Variants in SLC39A11 observed in about 807,000 individuals in gnomAD.
SLC39A11 encodes solute carrier family 39 member 11.
SLC39A11 carries 33 observed loss-of-function variants against 36.1 expected under a neutral mutation model. That is an observed-to-expected ratio of 0.91 (90% CI 0.69 to 1.22). SLC39A11 has a LOEUF of 1.22. Among genes scored for constraint, SLC39A11 ranks in the 50% most tolerant of loss-of-function variants. The pLI, the probability that SLC39A11 is intolerant of heterozygous loss-of-function variation, is 0.00. For missense variants in SLC39A11, 432 were observed against 430.3 expected, an observed-to-expected ratio of 1.00 and a Z score of -0.03; for synonymous variants, 166 against 170.3, an observed-to-expected ratio of 0.97 and a Z score of 0.20.
At chr17:72,750,061 C>T (rs1361056450) in intron 6 of SLC39A11, among the ~76,000 whole-genome samples, 1 of 152,132 alleles carries the variant, frequency 6.6e-6, no homozygotes, top group Non-Finnish European at 1.5e-5. Context: ...ATTCCTGGGG[C>T]AAGGCACAAG....
chr17:72,777,587 C>A (rs1284859657), intron 6 of SLC39A11, among the ~76,000 whole-genome samples: 1 of 152,066 alleles, frequency 6.6e-6, no homozygotes, highest in Non-Finnish European at 1.5e-5. Flanking sequence ...CATCTACAAG[C>A]TAAGTTACAC....
chr17:72,990,520 C>A (rs1052708503), intron 4 of SLC39A11, among the ~76,000 whole-genome samples: 20 of 152,118 alleles, frequency 1.3e-4, no homozygotes, highest in Non-Finnish European at 2.4e-4. Context: ...CAGGTTCAAG[C>A]GATTCTCCTG....
chr17:72,900,135 AAAGAAAAAGAAAGAAAGAAAAG>A (rs2146909123), intron 5 of SLC39A11, among the ~76,000 whole-genome samples: 1 of 93,794 alleles, frequency 1.1e-5, no homozygotes, highest in African/African-American at 7.9e-5. Context: ...AGAAAGAAAG[AAAGAAAAAGAAAGAAAGAAAAG>A]AAAGAAAGAA....
intron 6 of SLC39A11, among the ~76,000 whole-genome samples, chr17:72,763,240 C>CAT (rs1254403076): frequency 6.6e-6 from 1 of 152,138 alleles, no homozygotes; most frequent in East Asian, 1.9e-4. Context: ...AATTGAGCTC[C>CAT]ATGGAACATC....
intron 3 of SLC39A11, among the ~76,000 whole-genome samples, chr17:73,043,794 A>G (rs1382537682): frequency 6.6e-6 from 1 of 152,192 alleles, no homozygotes; most frequent in African/African-American, 2.4e-5. Flanking sequence ...CAAGTCAGTC[A>G]ATCAGAAACC....
intron 6 of SLC39A11, among the ~76,000 whole-genome samples, chr17:72,843,253 G>A (rs2078899862): frequency 6.6e-6 from 1 of 152,138 alleles, no homozygotes; most frequent in Non-Finnish European, 1.5e-5. Context: ...CCGGCCTGGG[G>A]AGGGGTTCTT....
At chr17:73,024,316 C>T (rs1394358944) in intron 4 of SLC39A11, among the ~76,000 whole-genome samples, 1 of 152,186 alleles carries the variant, frequency 6.6e-6, no homozygotes, top group Non-Finnish European at 1.5e-5. Context: ...CCATCTGGAG[C>T]CTCAACAGAG....
At chr17:72,886,199 C>T (rs187715485) in intron 5 of SLC39A11, among the ~76,000 whole-genome samples, 186 of 152,288 alleles carry the variant, frequency 1.2e-3, no homozygotes, top group African/African-American at 4.4e-3. Context: ...GCTCTCCTGC[C>T]TACACAGGCT....
At position 72,886,471 on chromosome 17, in the gene SLC39A11, C is replaced by T. The variant is rs1307009187; in HGVS notation, c.431-36667G>A. On this transcript the variant is annotated intron_variant, in intron 5 of 9. Coordinates refer to ENST00000255559, the MANE Select transcript of SLC39A11 (RefSeq NM_139177.4). ...TTTCTCCTTCTCTCAGAGTCCTTAC[C>T]TATCCGCAAATCCCATCAGCTCAAC... Among the ~76,000 whole-genome samples the T allele has an allele frequency of 5.9e-5, 9 of 152,264 alleles. No homozygotes were observed. The South Asian group carries it at 1.9e-3, about 32-fold the overall frequency.
chr17:72,678,833 C>T (rs759642165), intron 7 of SLC39A11, among the ~76,000 whole-genome samples: 1 of 152,134 alleles, frequency 6.6e-6, no homozygotes, highest in Non-Finnish European at 1.5e-5. Context: ...AAGAATAGTG[C>T]TTGAGGCTGT....
At chr17:72,873,247 A>T (rs1213618748) in intron 5 of SLC39A11, among the ~76,000 whole-genome samples, 1 of 152,188 alleles carries the variant, frequency 6.6e-6, no homozygotes, top group East Asian at 1.9e-4. Flanking sequence ...TGGGAAACCT[A>T]TACCAAGAAA....
At chr17:72,677,163 C>T (rs886777652) in intron 7 of SLC39A11, among the ~76,000 whole-genome samples, 1 of 152,170 alleles carries the variant, frequency 6.6e-6, no homozygotes, top group Non-Finnish European at 1.5e-5. Context: ...GGAAGCCTCT[C>T]TCAGAACCCA....
At chr17:72,876,530 A>G (rs781127998) in intron 5 of SLC39A11, among the ~76,000 whole-genome samples, 2 of 152,240 alleles carry the variant, frequency 1.3e-5, no homozygotes, top group Non-Finnish European at 2.9e-5. Flanking sequence ...TGAGAAAGTT[A>G]CATTCGTCTT....
chr17:73,008,630 C>T (rs1323024578), intron 4 of SLC39A11, among the ~76,000 whole-genome samples: 2 of 152,198 alleles, frequency 1.3e-5, no homozygotes, highest in African/African-American at 4.8e-5. Flanking sequence ...AATCCTTGGT[C>T]ACTCATCTTA....
chr17:72,795,441 A>T (rs776213804), intron 6 of SLC39A11, among the ~76,000 whole-genome samples: 3 of 152,132 alleles, frequency 2.0e-5, no homozygotes, highest in Non-Finnish European at 4.4e-5. Context: ...AGAGAGAGAG[A>T]GTGCAAGAGA....
At chr17:72,861,573 A>G (rs1321710096) in intron 5 of SLC39A11, among the ~76,000 whole-genome samples, 1 of 149,396 alleles carries the variant, frequency 6.7e-6, no homozygotes, top group African/African-American at 2.5e-5. Flanking sequence ...TATGCTTGAT[A>G]GACAGATTGA....
In SLC39A11 at chr17:72,664,775, C is replaced by G. The variant is rs553011004; in HGVS notation, c.672-15507G>C. Among the ~76,000 whole-genome samples, 4 of 152,314 alleles carry G rather than the reference C, an allele frequency of 2.6e-5. No homozygotes were observed. In the South Asian group the frequency reaches 8.3e-4, roughly 32 times the overall value. ...GACTTACACATTCATGCCCTCCGTT[C>G]TCTTCTTCTCTTCTGATTTATCTTC... On this transcript the variant is annotated intron_variant, in intron 7 of 9. Coordinates refer to ENST00000255559, the MANE Select transcript of SLC39A11 (RefSeq NM_139177.4).
In SLC39A11 at chr17:72,647,579, C is replaced by T; in HGVS notation, c.*5G>A. 1 of 1,613,392 alleles carries T rather than the reference C, an allele frequency of 6.2e-7. No homozygotes were observed. Among genetic ancestry groups the T allele is most frequent in the South Asian group, 1.1e-5 (1 of 90,946 alleles). ...GCCTTTCCCGGGGTCCGAAGCGTCT[C>T]AGCCCTAGCCCAGGCCAACGTCCAG... On this transcript the variant is annotated 3_prime_UTR_variant, in exon 10 of 10. Transcript: ENST00000255559.
chr17:72,725,569 G>C (rs997313428), intron 7 of SLC39A11: 1 of 152,172 alleles, frequency 6.6e-6, no homozygotes, highest in Non-Finnish European at 1.5e-5. Context: ...GCCGAACATA[G>C]ATTTGGATAG....
Sources: gnomAD v4.1 joint callset for allele counts (sites outside exome capture counted in the v4.1 genomes callset) on GRCh38, gnomAD v4.1.1 for gene constraint, MANE v1.5 for transcripts, NCBI Gene and HGNC (gene_info 2026-07-23, HGNC 2026-07-21) for gene names.